The following UNC13C variants were observed in gnomAD, a reference collection of about 807,000 sequenced individuals.
UNC13C encodes unc-13 homolog C.
UNC13C carries 174 observed loss-of-function variants against 245.4 expected under a neutral mutation model. The ratio of observed to expected loss-of-function variants is 0.71; its 90% CI spans 0.63 to 0.80. The LOEUF (loss-of-function observed/expected upper bound fraction) is 0.80, where lower values mean the gene tolerates loss of function less well. Ranked by LOEUF, UNC13C falls within the 30% of genes least tolerant of loss-of-function variation. The pLI, the probability that UNC13C is intolerant of heterozygous loss-of-function variation, is 0.00. For missense variants in UNC13C, 2,829 were observed against 2,602.9 expected (o/e 1.09, Z -1.89); for synonymous variants, 992 against 895.1 (o/e 1.11, Z -1.93).
chr15:53,916,871 A>T, the UNC13C span, among the ~76,000 whole-genome samples: 1 of 152,176 alleles, frequency 6.6e-6, no homozygotes, highest in East Asian at 1.9e-4. Flanking sequence ...TGAAGCTGGG[A>T]TGCTGTCAGA....
chr15:54,081,242 C>T (rs1277470515), intron 2 of UNC13C, among the ~76,000 whole-genome samples: 1 of 152,018 alleles, frequency 6.6e-6, no homozygotes, highest in Non-Finnish European at 1.5e-5. Flanking sequence ...GTTTCATGCA[C>T]AGATGATAAA....
At chr15:54,229,597 A>T (rs765661270) in intron 4 of UNC13C, among the ~76,000 whole-genome samples, 8 of 152,214 alleles carry the variant, frequency 5.3e-5, no homozygotes, top group Non-Finnish European at 1.2e-4. Context: ...TGATTAACAT[A>T]TGTGTTACCT....
At chr15:53,956,392 G>A in the UNC13C span, among the ~76,000 whole-genome samples, 3 of 151,856 alleles carry the variant, frequency 2.0e-5, no homozygotes, top group Non-Finnish European at 4.4e-5. Flanking sequence ...ATATGTATTT[G>A]CTGCCTATAA....
intron 20 of UNC13C, among the ~76,000 whole-genome samples, 157 bp from the exon 21 acceptor site, chr15:54,499,922 A>G (rs2141097401): frequency 6.6e-6 from 1 of 152,244 alleles, no homozygotes; most frequent in Middle Eastern, 3.4e-3. Context: ...GATTTGATGG[A>G]GAACAGGTAA....
intron 1 of UNC13C, among the ~76,000 whole-genome samples, chr15:53,980,601 G>T (rs1227516723): frequency 6.6e-6 from 1 of 152,160 alleles, no homozygotes; most frequent in Non-Finnish European, 1.5e-5. Flanking sequence ...AGTAATTTCA[G>T]TAGAATTGCC....
In UNC13C at chr15:54,216,444, G is replaced by A. The variant is rs145272153; in HGVS notation, c.3072-18586G>A. 2.6e-5 allele frequency among the ~76,000 whole-genome samples: 4 copies of A among 151,976 alleles called. No homozygotes were observed. In the East Asian group the frequency reaches 7.7e-4, roughly 29 times the overall value. On this transcript the variant is annotated intron_variant, in intron 4 of 32. Transcript: ENST00000260323. ...CAGGGAAAATAATTGGTTCTGGAATGGATATATTGTCTTGAAATTGCTGGC... is the reference window on the plus strand; with the variant it reads ...CAGGGAAAATAATTGGTTCTGGAATAGATATATTGTCTTGAAATTGCTGGC...
chr15:54,296,371 T>TC (rs2037431790), intron 11 of UNC13C, among the ~76,000 whole-genome samples: 1 of 101,874 alleles, frequency 9.8e-6, no homozygotes, highest in South Asian at 2.9e-4. Context: ...CGGCTAATTT[T>TC]TTTTTTTTTT....
the UNC13C span, among the ~76,000 whole-genome samples, chr15:53,941,595 A>G: frequency 6.6e-6 from 1 of 152,160 alleles, no homozygotes; most frequent in East Asian, 1.9e-4. Context: ...AAAAAATTAC[A>G]AGAAAAAAAC....
intron 4 of UNC13C, among the ~76,000 whole-genome samples, chr15:54,172,703 GATATAT>G (rs56316345): frequency 9.8e-4 from 77 of 78,384 alleles, no homozygotes; most frequent in African/African-American, 2.4e-3. Flanking sequence ...TACACACACA[GATATAT>G]ATATATATAT....
In UNC13C at chr15:54,106,369, C is replaced by T. The variant is rs1595862871; in HGVS notation, c.2984-36649C>T. On this transcript the variant is annotated intron_variant, in intron 2 of 32. Coordinates refer to ENST00000260323, the MANE Select transcript of UNC13C (RefSeq NM_001080534.3). The stretch of plus-strand genomic sequence containing the variant: ...AAGAGAATAAATATTAAAACAAGAA[C>T]TTGAAATTCTCCAATGACCACTTAA... 3.9e-5 allele frequency among the ~76,000 whole-genome samples: 6 copies of T among 152,268 alleles called. No individual in the cohort carries two copies. The South Asian group carries it at 1.2e-3, about 32-fold the overall frequency.
At chr15:54,167,497 T>C (rs1199371701) in intron 4 of UNC13C, among the ~76,000 whole-genome samples, 1 of 69,684 alleles carries the variant, frequency 1.4e-5, no homozygotes, top group East Asian at 3.0e-4. Context: ...GCGACACTCG[T>C]CTCAAAAAAA....
the UNC13C span, among the ~76,000 whole-genome samples, chr15:53,862,670 G>A: frequency 4.6e-5 from 7 of 152,068 alleles, no homozygotes; most frequent in African/African-American, 1.4e-4. Flanking sequence ...AGTGGAAACC[G>A]ACTGTTCTGG....
chr15:54,031,144 A>G (rs1272311270), intron 2 of UNC13C, among the ~76,000 whole-genome samples: 3 of 152,138 alleles, frequency 2.0e-5, no homozygotes, highest in African/African-American at 7.2e-5. Context: ...TTTTCAGTTG[A>G]TAAGCTGCAT....
rs1897584511 is a variant in UNC13C, at chr15:54,567,847, G to C, written c.6006G>C (p.Glu2002Asp). The C allele has an allele frequency of 6.2e-7, 1 of 1,603,910 alleles. No homozygotes were observed. Among genetic ancestry groups the C allele is most frequent in the Non-Finnish European group, 8.5e-7 (1 of 1,174,522 alleles). The change falls in exon 30 of 33, where the codon GAG (glutamate) becomes GAC (aspartate). Residue 2002 changes from glutamate to aspartate, a missense_variant. Physicochemically the swap from Glu to Asp is conservative, Grantham distance 45. Coordinates refer to ENST00000260323, the MANE Select transcript of UNC13C (RefSeq NM_001080534.3). ...ATGGCCTGAAAAAGAATTTCTTGGAGAAAAGCCCAGATCTTCAGTCTCTGA... is the reference window on the plus strand; with the variant it reads ...ATGGCCTGAAAAAGAATTTCTTGGACAAAAGCCCAGATCTTCAGTCTCTGA... ...GGNGLKKNFL[E>D]KSPDLQSLRY...
intron 10 of UNC13C, among the ~76,000 whole-genome samples, chr15:54,288,891 C>A (rs1441175013): frequency 6.6e-6 from 1 of 152,094 alleles, no homozygotes; most frequent in Non-Finnish European, 1.5e-5. Flanking sequence ...AACCTAATGG[C>A]TGCAGCCTCA....
chr15:54,115,478 A>G (rs2030175365), intron 2 of UNC13C, among the ~76,000 whole-genome samples: 1 of 152,040 alleles, frequency 6.6e-6, no homozygotes, highest in South Asian at 2.1e-4. Context: ...CACACTTCAC[A>G]GGTACCATTT....
chr15:54,127,671 A>T (rs890252038), intron 2 of UNC13C, among the ~76,000 whole-genome samples: 3 of 150,380 alleles, frequency 2.0e-5, no homozygotes, highest in Non-Finnish European at 4.4e-5. Context: ...AAACCTGCAC[A>T]TTCTGCACAT....
intron 2 of UNC13C, among the ~76,000 whole-genome samples, chr15:54,079,829 A>G (rs1439742100): frequency 6.6e-6 from 1 of 151,988 alleles, no homozygotes; most frequent in Non-Finnish European, 1.5e-5. Flanking sequence ...TATTCTGGCT[A>G]GGACTTCCGG....
Position 54,143,057 on chromosome 15 carries a change from A to G in UNC13C, c.3006+17A>G, listed in dbSNP as rs1347807345. 6.2e-7 allele frequency: 1 copy of G among 1,607,436 alleles called. No homozygotes were observed. Among genetic ancestry groups the G allele is most frequent in the African/African-American group, 1.3e-5 (1 of 74,764 alleles). ...GATGAAAAGGTTTTAAATCATACTTATTCTTCCCTCCTGAGGAATCTTGTC... is the reference window on the plus strand; with the variant it reads ...GATGAAAAGGTTTTAAATCATACTTGTTCTTCCCTCCTGAGGAATCTTGTC... On this transcript the variant is annotated intron_variant, in intron 3 of 32. Transcript: ENST00000260323.
Sources: allele counts gnomAD v4.1 joint callset (sites outside exome capture counted in the v4.1 genomes callset), GRCh38; gene constraint gnomAD v4.1.1; transcripts MANE v1.5; gene names NCBI Gene and HGNC (gene_info 2026-07-23, HGNC 2026-07-21).